Variants in NCALD observed in about 807,000 individuals in gnomAD.
The protein encoded by NCALD is neurocalcin delta.
NCALD carries 10 observed loss-of-function variants against 18.6 expected under a neutral mutation model. That is an observed-to-expected ratio of 0.54 (90% confidence interval 0.33 to 0.91). NCALD has a LOEUF of 0.91. Ranked by LOEUF, NCALD falls within the 40% of genes least tolerant of loss-of-function variation. The probability of loss-of-function intolerance (pLI) is 0.03; values close to 1 mark genes in which losing one functional copy is unlikely to be tolerated. For missense variants in NCALD, 184 were observed against 247.6 expected (o/e 0.74, Z 1.72); for synonymous variants, 88 against 87.4 (o/e 1.01, Z -0.04).
chr8:102,016,071 T>C (rs28809337), intron 2 of NCALD, among the ~76,000 whole-genome samples: 30,413 of 152,006 alleles, frequency 0.2, 3,852 homozygotes, highest in African/African-American at 0.35. Context: ...AACCAAAACA[T>C]CTTCCTAGCC....
Position 102,015,205 on chromosome 8 carries a change from T to C in NCALD, c.-157+5032A>G, listed in dbSNP as rs115053654. On this transcript the variant is annotated intron_variant, in intron 2 of 6. Coordinates refer to the NCALD transcript ENST00000311028. ...ATTCTACTGTCTCATTTTTGTATTTTTTTTCATTTTTCTCTCTTTCTCATC... is the reference window on the plus strand; with the variant it reads ...ATTCTACTGTCTCATTTTTGTATTTCTTTTCATTTTTCTCTCTTTCTCATC... Among the ~76,000 whole-genome samples, 40 of 152,306 alleles carry C rather than the reference T, an allele frequency of 2.6e-4. 1 individual carries two copies. The highest frequency in any genetic ancestry group is 7.7e-4 in the African/African-American group (32 of 41,560).
At position 102,024,523 on chromosome 8, in the gene NCALD, G is replaced by A. The variant is rs147203837; in HGVS notation, c.-209-4234C>T. 2.4e-3 allele frequency among the ~76,000 whole-genome samples: 362 copies of A among 152,214 alleles called. 2 individuals are homozygous for A. The highest frequency in any genetic ancestry group is 8.1e-3 in the African/African-American group (335 of 41,552). The stretch of plus-strand genomic sequence containing the variant: ...ATCAGGGGCAAATCAAAACACCATC[G>A]ATTGTCCAAAACAATTCCTTCTCTT... On this transcript the variant is annotated intron_variant, in intron 1 of 6. Coordinates refer to the NCALD transcript ENST00000311028.
chr8:102,033,074 C>G (rs980608829), intron 1 of NCALD, among the ~76,000 whole-genome samples: 2 of 152,028 alleles, frequency 1.3e-5, no homozygotes, highest in African/African-American at 4.8e-5. Context: ...ATGGGTTTGC[C>G]TTTTGTAAGT....
chr8:101,906,389 G>C (rs142962173), intron 3 of NCALD, among the ~76,000 whole-genome samples: 1 of 152,214 alleles, frequency 6.6e-6, no homozygotes, highest in African/African-American at 2.4e-5. Context: ...CCTGCAACAC[G>C]CCACATGGTA....
chr8:101,754,116 A>T (rs1810775321), intron 1 of NCALD, among the ~76,000 whole-genome samples: 1 of 152,078 alleles, frequency 6.6e-6, no homozygotes, highest in South Asian at 2.1e-4. Flanking sequence ...GTCGACAGGT[A>T]CCACTCTCTG....
chr8:101,721,573 A>T (rs976561093), intron 1 of NCALD, among the ~76,000 whole-genome samples: 1 of 152,202 alleles, frequency 6.6e-6, no homozygotes. Flanking sequence ...TATTGAATTT[A>T]GTGAGGCCTG....
intron 1 of NCALD, among the ~76,000 whole-genome samples, chr8:101,739,458 G>A (rs1810090377): frequency 6.6e-6 from 1 of 152,172 alleles, no homozygotes; most frequent in Non-Finnish European, 1.5e-5. Flanking sequence ...CTCTGGGTGT[G>A]CCTGTAATGG....
rs900445037 is a variant in NCALD, at chr8:101,688,211, T to TC, written c.*1097dup. ...CCTGAGAGGGAAACCACCCTACTGG[T>TC]CCCCTGTCATACATGTTAACATTCC... On this transcript the variant is annotated 3_prime_UTR_variant, in exon 4 of 4. Transcript: ENST00000220931. The TC allele has an allele frequency of 1.2e-5, 2 of 164,278 alleles. No individual in the cohort carries two copies. Among genetic ancestry groups the TC allele is most frequent in the African/African-American group, 4.8e-5 (2 of 41,634 alleles). 10.2% of individuals were successfully genotyped at this position (164,278 alleles called of 1,614,324 possible).
At chr8:102,080,540 T>C (rs1338442885) in intron 1 of NCALD, among the ~76,000 whole-genome samples, 1 of 152,196 alleles carries the variant, frequency 6.6e-6, no homozygotes, top group African/African-American at 2.4e-5. Flanking sequence ...TAACATATTC[T>C]TGTCAGGAGC....
intron 1 of NCALD, among the ~76,000 whole-genome samples, chr8:101,760,094 G>A (rs1042693779): frequency 6.6e-6 from 1 of 152,098 alleles, no homozygotes; most frequent in Non-Finnish European, 1.5e-5. Context: ...GATTCTCCAA[G>A]GGCTACTGAC....
chr8:102,021,998 G>A (rs943900054), intron 1 of NCALD, among the ~76,000 whole-genome samples: 1 of 152,176 alleles, frequency 6.6e-6, no homozygotes, highest in South Asian at 2.1e-4. Flanking sequence ...ATTAGATGAT[G>A]TATTTGTACA....
chr8:101,785,165 G>C (rs1025324245), intron 1 of NCALD, among the ~76,000 whole-genome samples: 1 of 152,132 alleles, frequency 6.6e-6, no homozygotes, highest in Non-Finnish European at 1.5e-5. Context: ...CTAGAATGTT[G>C]TTAAAAAATA....
Position 101,687,865 on chromosome 8 carries a change from G to C in NCALD, c.*1444C>G, listed in dbSNP as rs1322531517. On this transcript the variant is annotated 3_prime_UTR_variant, in exon 4 of 4. Transcript: ENST00000220931. Reference sequence around the variant, plus strand: ...AGACCAAACAGCAACTCAGACTTGTGCTGTCACTTCTGGAAATAGAAGTCT... The same window carrying C: ...AGACCAAACAGCAACTCAGACTTGTCCTGTCACTTCTGGAAATAGAAGTCT... The C allele has an allele frequency of 6.6e-6, 1 of 152,206 alleles. No homozygotes were observed. The highest frequency in any genetic ancestry group is 1.5e-5 in the Non-Finnish European group (1 of 68,044). 9.4% of individuals were successfully genotyped at this position (152,206 alleles called of 1,614,324 possible).
At chr8:101,894,250 T>C (rs1278018575) in intron 3 of NCALD, among the ~76,000 whole-genome samples, 4 of 125,648 alleles carry the variant, frequency 3.2e-5, no homozygotes, top group Admixed American at 8.0e-5. Flanking sequence ...AACAACCTGC[T>C]CCTGAATGAC....
intron 1 of NCALD, among the ~76,000 whole-genome samples, chr8:102,094,648 A>G (rs915435524): frequency 6.6e-6 from 1 of 152,254 alleles, no homozygotes; most frequent in Admixed American, 6.5e-5. Flanking sequence ...TTATCTTCGA[A>G]AGTCCTAACC....
intron 3 of NCALD, among the ~76,000 whole-genome samples, chr8:101,892,048 C>T (rs992967215): frequency 6.6e-6 from 1 of 152,160 alleles, no homozygotes; most frequent in Admixed American, 6.5e-5. Context: ...GTAGGCTCCA[C>T]CTCTGGGGGC....
intron 1 of NCALD, among the ~76,000 whole-genome samples, chr8:102,037,183 T>A (rs1409470018): frequency 2.0e-5 from 3 of 151,644 alleles, no homozygotes; most frequent in Admixed American, 6.6e-5. Flanking sequence ...AAGCAACTTA[T>A]AAATATATTA....
intron 1 of NCALD, chr8:101,788,863 T>C (rs1812340567): frequency 6.6e-6 from 1 of 152,236 alleles, no homozygotes; most frequent in Admixed American, 6.5e-5. Flanking sequence ...ATGATTCTGA[T>C]GACAGTCTTT....
intron 1 of NCALD, among the ~76,000 whole-genome samples, chr8:101,768,349 G>T (rs555497787): frequency 4.6e-5 from 7 of 150,724 alleles, no homozygotes; most frequent in African/African-American, 1.5e-4. Flanking sequence ...GTCTATATCT[G>T]CAGGTCACAG....
Sources: allele counts gnomAD v4.1 joint callset (sites outside exome capture counted in the v4.1 genomes callset), GRCh38; gene constraint gnomAD v4.1.1; transcripts MANE v1.5; gene names NCBI Gene and HGNC (gene_info 2026-07-23, HGNC 2026-07-21).